Variants in SLC12A4 observed in about 807,000 individuals in gnomAD.
SLC12A4 encodes electroneutral potassium-chloride cotransporter 1.
A neutral mutation model predicts 119.2 loss-of-function variants in SLC12A4; 84 were observed. The ratio of observed to expected loss-of-function variants is 0.70; its 90% confidence interval spans 0.59 to 0.85. The LOEUF (loss-of-function observed/expected upper bound fraction) is 0.85. Ranked by LOEUF, SLC12A4 falls within the 40% of genes least tolerant of loss-of-function variation. The probability of loss-of-function intolerance (pLI) is 0.00; values close to 1 mark genes in which losing one functional copy is unlikely to be tolerated. For synonymous variants in SLC12A4, 599 were observed against 604.6 expected (o/e 0.99, Z 0.14); for missense variants, 1,298 against 1,476.3 (o/e 0.88, Z 1.98).
At chr16:67,948,691 A>C (rs1051328796) in intron 13 of SLC12A4, among the ~76,000 whole-genome samples, 1 of 152,242 alleles carries the variant, frequency 6.6e-6, no homozygotes, top group Non-Finnish European at 1.5e-5. Context: ...AGGAGGACCC[A>C]CACAGGGCAT....
chr16:67,953,578 T>C (rs571747226), intron 6 of SLC12A4, among the ~76,000 whole-genome samples: 15 of 152,238 alleles, frequency 9.9e-5, no homozygotes, highest in Admixed American at 2.0e-4. Flanking sequence ...CTTGGGATGA[T>C]GAAAATGTTC....
At chr16:67,968,349 C>A (rs993895296) in intron 1 of SLC12A4, 90 bp downstream of exon 1, 2 of 1,219,056 alleles carry the variant, frequency 1.6e-6, no homozygotes, top group Admixed American at 6.3e-5. Flanking sequence ...CGCGCAAGGT[C>A]CCGGGATAGG....
At chr16:67,948,264 T>C in intron 13 of SLC12A4, 105 bp from the exon 14 acceptor site, 2 of 1,021,682 alleles carry the variant, frequency 2.0e-6, no homozygotes. Context: ...GGCCCTGCCC[T>C]GCATGGCTCA....
rs1371635106 is a variant in SLC12A4, at chr16:67,950,766, T to C, written c.1397-55A>G. On this transcript the variant is annotated intron_variant, in intron 10 of 23. Transcript: ENST00000316341. The surrounding 1 kb of genome is among the most constrained non-coding windows in gnomAD (Gnocchi z 4.3). ...CTGCCACCCCACTGTCCCTGAATAG[T>C]ACCACGTGCCCCCACCCCAGCCAGA... 1.9e-6 allele frequency: 3 copies of C among 1,567,844 alleles called. No homozygotes were observed. Among genetic ancestry groups the C allele is most frequent in the Non-Finnish European group, 2.6e-6 (3 of 1,155,528 alleles).
At position 67,949,788 on chromosome 16, in the gene SLC12A4, G is replaced by A; in HGVS notation, c.1748+12C>T. The A allele has an allele frequency of 1.3e-6, 2 of 1,589,118 alleles. No homozygotes were observed. Among genetic ancestry groups the A allele is most frequent in the Non-Finnish European group, 1.7e-6 (2 of 1,160,936 alleles). ...TTTCCCCATCCCCCTGCCCTGCCCG[G>A]CCCCAGCTCACATGGATAAGATGGG... On this transcript the variant is annotated intron_variant, in intron 13 of 23. Transcript: ENST00000316341. The surrounding 1 kb of genome is among the most constrained non-coding windows in gnomAD (Gnocchi z 4.6).
rs1044651934 is a variant in SLC12A4, at chr16:67,947,343, G to A, written c.2060C>T (p.Thr687Ile). ...LLRLEEGPPH[T>I]KNWRPQLLVL... Reference sequence around the variant, plus strand: ...GGCGGGAACTCACCGCCAGTTCTTGGTGTGAGGAGGCCCCTCCTCCAGCCG... The same window carrying A: ...GGCGGGAACTCACCGCCAGTTCTTGATGTGAGGAGGCCCCTCCTCCAGCCG... The change falls in exon 16 of 24, where the codon ACC becomes ATC. Residue 687 changes from threonine to isoleucine, a missense_variant. Coordinates refer to ENST00000316341, the MANE Select transcript of SLC12A4 (RefSeq NM_005072.5). 4 of 1,612,084 alleles carry A rather than the reference G, an allele frequency of 2.5e-6. No homozygotes were observed. The highest frequency in any genetic ancestry group is 1.1e-5 in the South Asian group (1 of 91,038).
At chr16:67,966,681 T>C (rs1274273708) in intron 1 of SLC12A4, 19 of 1,537,642 alleles carry the variant, frequency 1.2e-5, no homozygotes, top group Non-Finnish European at 1.6e-5. Flanking sequence ...GGGCAGGAGA[T>C]AGATCTGAGG....
chr16:67,947,421 C>G lies in SLC12A4; in HGVS notation c.1982G>C (p.Trp661Ser). Residue 661 changes from tryptophan to serine, a missense_variant, in exon 16 of 24, where the codon TGG (tryptophan) becomes TCG (serine). Transcript: ENST00000316341. ...GGACAGGCCTCGGATCCCGTCACCC[C>G]ACTCCTTCTCAGCCCTGCAGATTCC... ...YIEYQGAEKE[W>S]GDGIRGLSLS... 1 of 1,612,364 alleles carries G rather than the reference C, an allele frequency of 6.2e-7. No individual in the cohort carries two copies. The highest frequency in any genetic ancestry group is 8.5e-7 in the Non-Finnish European group (1 of 1,179,738).
At chr16:67,945,696 C>A in intron 21 of SLC12A4, 68 bp downstream of exon 21, 1 of 1,529,326 alleles carries the variant, frequency 6.5e-7, no homozygotes, top group Non-Finnish European at 8.9e-7. Flanking sequence ...TCCTCCGCAC[C>A]CACCGATGCG....
At chr16:67,968,352 G>A (rs866580787) in intron 1 of SLC12A4, 87 bp downstream of exon 1, 2 of 1,241,422 alleles carry the variant, frequency 1.6e-6, no homozygotes, top group African/African-American at 1.6e-5. Context: ...GCAAGGTCCC[G>A]GGATAGGTGC....
In SLC12A4 at chr16:67,943,793, A is replaced by C. The variant is rs11860115; in HGVS notation, c.*1047T>G. 9,137 of 697,360 alleles carry C rather than the reference A, an allele frequency of 0.013. 434 individuals are homozygous for C. Among genetic ancestry groups the C allele is most frequent in the African/African-American group, 0.13 (6,979 of 55,602 alleles). 43.2% of individuals were successfully genotyped at this position (697,360 alleles called of 1,614,324 possible). The stretch of plus-strand genomic sequence containing the variant: ...TGGGAGAAGGGACGTCATTCCTCTA[A>C]GGGACAAGCTTTTGGCCCCTCCCCA... On this transcript the variant is annotated 3_prime_UTR_variant, in exon 24 of 24. Transcript: ENST00000316341. This position sits in a 1 kb window ranked among gnomAD's most constrained non-coding sequence, Gnocchi z 4.6.
rs540539385 is a variant in SLC12A4, at chr16:67,947,122, G to C, written c.2073-17C>G. ...AGCTGCGGCCTGCAGTGGCCGGGTGGGGGGAGCCTGAGACCAGGGCCGGCC... is the reference window on the plus strand; with the variant it reads ...AGCTGCGGCCTGCAGTGGCCGGGTGCGGGGAGCCTGAGACCAGGGCCGGCC... On this transcript the variant is annotated splice_polypyrimidine_tract_variant and intron_variant, in intron 16 of 23. Transcript: ENST00000316341. The C allele has an allele frequency of 5.1e-4, 799 of 1,568,516 alleles. No homozygotes were observed. The highest frequency in any genetic ancestry group is 6.4e-4 in the Non-Finnish European group (738 of 1,161,244).
In SLC12A4 at chr16:67,944,826, A is replaced by G; in HGVS notation, c.*14T>C. On this transcript the variant is annotated 3_prime_UTR_variant, in exon 24 of 24. Transcript: ENST00000316341. This position sits in a 1 kb window ranked among gnomAD's most constrained non-coding sequence, Gnocchi z 6.6. ...GCCAAGACCTCGACTCCAGGCCACA[A>G]GATGACACTGGGCTCAGGAGTAGAT... 6.2e-7 allele frequency: 1 copy of G among 1,612,442 alleles called. No homozygotes were observed. Among genetic ancestry groups the G allele is most frequent in the African/African-American group, 1.3e-5 (1 of 75,036 alleles).
chr16:67,948,186 G>A (rs368145508), intron 13 of SLC12A4, 27 bp from the exon 14 acceptor site: 3 of 1,608,430 alleles, frequency 1.9e-6, no homozygotes, highest in South Asian at 1.1e-5. Flanking sequence ...GGTTGGCGAA[G>A]AGCAGCCTCC....
chr16:67,952,488 T>G, intron 6 of SLC12A4, 63 bp from the exon 7 acceptor site: 2 of 1,595,348 alleles, frequency 1.3e-6, no homozygotes, highest in Non-Finnish European at 1.7e-6. Flanking sequence ...ACTTGTCGTT[T>G]TGGTTTTCTT....
chr16:67,952,101 G>A, intron 7 of SLC12A4, 64 bp from the exon 8 acceptor site: 3 of 1,608,536 alleles, frequency 1.9e-6, no homozygotes, highest in South Asian at 1.1e-5. Context: ...CCACCCTGCA[G>A]TCTCTGGGAT....
At chr16:67,964,593 G>A (rs537718531) in intron 1 of SLC12A4, among the ~76,000 whole-genome samples, 1 of 152,160 alleles carries the variant, frequency 6.6e-6, no homozygotes, top group East Asian at 1.9e-4. Flanking sequence ...ACAGCAAATG[G>A]AAAGCACACA....
At chr16:67,956,784 T>C (rs911784983) in intron 5 of SLC12A4, among the ~76,000 whole-genome samples, 33 of 151,920 alleles carry the variant, frequency 2.2e-4, no homozygotes, top group Non-Finnish European at 2.4e-4. Flanking sequence ...AATGCATATG[T>C]ATATATACAC....
intron 16 of SLC12A4, 44 bp from the exon 17 acceptor site, chr16:67,947,149 T>C (rs1412456697): frequency 1.3e-6 from 2 of 1,544,664 alleles, no homozygotes; most frequent in Non-Finnish European, 1.7e-6. Flanking sequence ...GGGCCGGCCG[T>C]TCTAGGGAGC....
Sources: allele counts gnomAD v4.1 joint callset (sites outside exome capture counted in the v4.1 genomes callset), GRCh38; gene constraint gnomAD v4.1.1; non-coding constraint Gnocchi (gnomAD v3.1); transcripts MANE v1.5; gene names NCBI Gene and HGNC (gene_info 2026-07-23, HGNC 2026-07-21).